NTM: variants seen among roughly 807,000 people sequenced by gnomAD.
NTM encodes IgLON family member 2.
Under a neutral mutation model 42.1 loss-of-function variants are expected in NTM, and 13 were observed. That is an observed-to-expected ratio of 0.31 (90% CI 0.20 to 0.49). The LOEUF (loss-of-function observed/expected upper bound fraction) is 0.49, where lower values mean the gene tolerates loss of function less well. Ranked by LOEUF, NTM falls within the 20% of genes least tolerant of loss-of-function variation. The pLI, the probability that NTM is intolerant of heterozygous loss-of-function variation, is 0.99. For missense variants in NTM, 373 were observed against 452.8 expected, an observed-to-expected ratio of 0.82 and a Z score of 1.60; for synonymous variants, 187 against 179.2, an observed-to-expected ratio of 1.04 and a Z score of -0.35.
At chr11:131,776,585 T>A (rs1027443638) in intron 1 of NTM, among the ~76,000 whole-genome samples, 51 of 151,210 alleles carry the variant, frequency 3.4e-4, no homozygotes, top group Admixed American at 1.2e-3. Flanking sequence ...TTTAGACATT[T>A]TTTTTTTTTT....
intron 3 of NTM, among the ~76,000 whole-genome samples, chr11:132,188,427 G>A (rs1295261338): frequency 6.6e-6 from 1 of 152,110 alleles, no homozygotes; most frequent in Non-Finnish European, 1.5e-5. Context: ...GAAATGAAGA[G>A]GTTCCTTCTC....
At chr11:132,122,012 C>T (rs1448564704) in intron 2 of NTM, among the ~76,000 whole-genome samples, 2 of 152,192 alleles carry the variant, frequency 1.3e-5, no homozygotes, top group African/African-American at 4.8e-5. Flanking sequence ...ATTGCAGCCT[C>T]CACCTCTATG....
At chr11:131,661,255 C>A (rs1449271508) in intron 1 of NTM, 1 of 303,358 alleles carries the variant, frequency 3.3e-6, no homozygotes, top group Non-Finnish European at 6.7e-6. Context: ...GGGTGAAGTT[C>A]CAAGTCAGAA....
At chr11:131,605,414 C>G (rs1280347464) in intron 1 of NTM, among the ~76,000 whole-genome samples, 1 of 152,202 alleles carries the variant, frequency 6.6e-6, no homozygotes, top group Non-Finnish European at 1.5e-5. Flanking sequence ...GTACCCCGCA[C>G]ATTTACTGAA....
In NTM at chr11:132,229,133, C is replaced by T. The variant is rs114689055; in HGVS notation, c.526+16986C>T. 2.7e-3 allele frequency among the ~76,000 whole-genome samples: 416 copies of T among 152,322 alleles called. 6 individuals carry two copies. Among genetic ancestry groups the T allele is most frequent in the African/African-American group, 9.6e-3 (401 of 41,564 alleles). ...CTCCTTCCCACCTCCTCTTCATCCT[C>T]TGCATAGTGTCTGATATTTTTACGG... On this transcript the variant is annotated intron_variant, in intron 4 of 8. Coordinates refer to ENST00000683400, the MANE Select transcript of NTM (RefSeq NM_001352005.2).
At chr11:131,705,028 T>C (rs1448441305) in intron 1 of NTM, among the ~76,000 whole-genome samples, 3 of 151,892 alleles carry the variant, frequency 2.0e-5, no homozygotes, top group Non-Finnish European at 4.4e-5. Context: ...TTAAGAAGGA[T>C]CAGACAAAGA....
intron 2 of NTM, among the ~76,000 whole-genome samples, chr11:132,103,640 T>C (rs182515330): frequency 6.6e-6 from 1 of 152,314 alleles, no homozygotes; most frequent in Non-Finnish European, 1.5e-5. Flanking sequence ...TTTCCTGAGA[T>C]TTCTGCAGCT....
intron 2 of NTM, among the ~76,000 whole-genome samples, chr11:131,999,162 G>C (rs564129783): frequency 1.3e-5 from 2 of 152,240 alleles, no homozygotes; most frequent in Admixed American, 6.5e-5. Context: ...GGCTCTGAGG[G>C]TGCAGAAGCA....
intron 1 of NTM, among the ~76,000 whole-genome samples, chr11:131,653,103 T>C (rs1463146437): frequency 6.6e-6 from 1 of 152,202 alleles, no homozygotes; most frequent in Non-Finnish European, 1.5e-5. Context: ...CTTCACCAGG[T>C]TCCCATGGGT....
chr11:132,223,309 T>C lies in NTM; in HGVS notation c.526+11162T>C, dbSNP rs115761812. ...TGAGGAAGCCCTGTAATATGTTATA[T>C]GGTAATTGCTTTAGGGTAAGAGGCA... On this transcript the variant is annotated intron_variant, in intron 4 of 8. Transcript: ENST00000683400. Among the ~76,000 whole-genome samples the C allele has an allele frequency of 7.4e-3, 1,121 of 152,260 alleles. 16 individuals are homozygous for C. Among genetic ancestry groups the C allele is most frequent in the African/African-American group, 0.026 (1,068 of 41,550 alleles).
chr11:131,510,944 G>C (rs952013405), intron 1 of NTM, among the ~76,000 whole-genome samples: 1 of 152,208 alleles, frequency 6.6e-6, no homozygotes, highest in Admixed American at 6.5e-5. Context: ...GCAGCCATCT[G>C]TGTGGAAGGA....
At chr11:131,924,141 G>A (rs2057618696) in intron 2 of NTM, among the ~76,000 whole-genome samples, 1 of 152,194 alleles carries the variant, frequency 6.6e-6, no homozygotes, top group Non-Finnish European at 1.5e-5. Context: ...TGCAGGGCAC[G>A]GAGCTGGGGG....
At chr11:131,835,060 T>A (rs139225020) in intron 1 of NTM, among the ~76,000 whole-genome samples, 15 of 152,274 alleles carry the variant, frequency 9.9e-5, no homozygotes, top group African/African-American at 3.1e-4. Flanking sequence ...GAAGTTCAGC[T>A]AACATCCCTG....
intron 2 of NTM, among the ~76,000 whole-genome samples, chr11:131,970,652 A>G (rs1177966909): frequency 6.6e-6 from 1 of 152,168 alleles, no homozygotes; most frequent in Non-Finnish European, 1.5e-5. Context: ...TATGATATAC[A>G]TTCCAATCTT....
At chr11:132,131,356 G>A (rs936214653) in intron 2 of NTM, among the ~76,000 whole-genome samples, 1 of 152,204 alleles carries the variant, frequency 6.6e-6, no homozygotes, top group Admixed American at 6.5e-5. Context: ...GATATTTACT[G>A]ACTGCCTGTG....
At chr11:131,915,638 C>T (rs2056191217) in intron 2 of NTM, among the ~76,000 whole-genome samples, 1 of 152,114 alleles carries the variant, frequency 6.6e-6, no homozygotes, top group African/African-American at 2.4e-5. Flanking sequence ...AAGACATACC[C>T]AAGACTGGGT....
At chr11:131,893,200 G>C (rs1261126823) in intron 1 of NTM, among the ~76,000 whole-genome samples, 2 of 152,194 alleles carry the variant, frequency 1.3e-5, no homozygotes, top group East Asian at 3.9e-4. Flanking sequence ...GTGCTCAATT[G>C]TTTAGGTGAA....
At position 131,952,614 on chromosome 11, in the gene NTM, G is replaced by A. The variant is rs537551384; in HGVS notation, c.167+40966G>A. Among the ~76,000 whole-genome samples the A allele has an allele frequency of 7.2e-5, 11 of 152,248 alleles. No individual in the cohort carries two copies. In the East Asian group the frequency reaches 1.2e-3, roughly 16 times the overall value. On this transcript the variant is annotated intron_variant, in intron 2 of 8. Coordinates refer to ENST00000683400, the MANE Select transcript of NTM (RefSeq NM_001352005.2). ...AAATGTTTCTATCAACTGTGGATAC[G>A]CATAACCTGATTGTTAAGGTGTTAC...
At chr11:131,874,717 G>A (rs2048322304) in intron 1 of NTM, among the ~76,000 whole-genome samples, 1 of 152,154 alleles carries the variant, frequency 6.6e-6, no homozygotes, top group Non-Finnish European at 1.5e-5. Context: ...TCATCTAAAT[G>A]TAAGGAATAA....
Sources: gnomAD v4.1 joint callset for allele counts (sites outside exome capture counted in the v4.1 genomes callset) on GRCh38, gnomAD v4.1.1 for gene constraint, MANE v1.5 for transcripts, NCBI Gene and HGNC (gene_info 2026-07-23, HGNC 2026-07-21) for gene names.